The following LRP1B variants were observed in gnomAD, a reference collection of about 807,000 sequenced individuals.
LRP1B encodes the protein low-density lipoprotein receptor-related protein 1B.
In LRP1B, 217 loss-of-function variants were observed where a neutral mutation model predicts 556.6. The observed-to-expected ratio is 0.39, with a 90% CI of 0.35 to 0.44. The LOEUF (loss-of-function observed/expected upper bound fraction) is 0.44, where lower values mean the gene tolerates loss of function less well. LRP1B is among the 20% of genes least tolerant of loss of function. The pLI is 1.00. For synonymous variants in LRP1B, 2,047 were observed against 1,865.8 expected (o/e 1.10, Z -2.50); for missense variants, 5,053 against 5,620.8 (o/e 0.90, Z 3.23).
chr2:140,317,733 T>C (rs998235060), intron 82 of LRP1B, among the ~76,000 whole-genome samples: 10 of 152,108 alleles, frequency 6.6e-5, no homozygotes, highest in Admixed American at 2.0e-4. Context: ...TGATCATAGA[T>C]AGGATTATTA....
At chr2:140,967,366 T>C (rs541895600) in intron 18 of LRP1B, among the ~76,000 whole-genome samples, 1 of 151,294 alleles carries the variant, frequency 6.6e-6, no homozygotes, top group East Asian at 1.9e-4. Context: ...ATAAGAATGC[T>C]TGTGATTTTT....
chr2:141,032,826 C>CATACATACATACATATATATATATAT, intron 11 of LRP1B, among the ~76,000 whole-genome samples: 7 of 126,656 alleles, frequency 5.5e-5, no homozygotes, highest in Non-Finnish European at 1.2e-4. Flanking sequence ...TATATACATA[C>CATACATACATACATATATATATATAT]ATATATATAT....
chr2:140,627,380 CAG>C (rs1161248742), intron 41 of LRP1B, among the ~76,000 whole-genome samples: 2 of 152,140 alleles, frequency 1.3e-5, no homozygotes, highest in African/African-American at 4.8e-5. Context: ...ACTAGATTAG[CAG>C]AGTCTTTTGG....
chr2:141,499,800 G>A (rs1262298069), intron 2 of LRP1B, among the ~76,000 whole-genome samples: 1 of 152,058 alleles, frequency 6.6e-6, no homozygotes, highest in Non-Finnish European at 1.5e-5. Flanking sequence ...TATAGGATTT[G>A]TGTTAGTATT....
At chr2:140,890,304 G>A (rs1693761599) in intron 23 of LRP1B, among the ~76,000 whole-genome samples, 1 of 152,076 alleles carries the variant, frequency 6.6e-6, no homozygotes, top group Non-Finnish European at 1.5e-5. Context: ...ATTACTTTCA[G>A]AAAATCATTT....
intron 35 of LRP1B, among the ~76,000 whole-genome samples, chr2:140,748,942 A>T (rs563017381): frequency 6.8e-6 from 1 of 147,632 alleles, no homozygotes; most frequent in South Asian, 2.1e-4. Context: ...ACATTATAAA[A>T]TATACTTACA....
intron 2 of LRP1B, among the ~76,000 whole-genome samples, chr2:141,766,813 T>G (rs368518435): frequency 1.3e-5 from 2 of 152,270 alleles, no homozygotes; most frequent in East Asian, 3.9e-4. Context: ...TACAATTTCT[T>G]TTAACCATAT....
intron 1 of LRP1B, among the ~76,000 whole-genome samples, chr2:141,818,261 A>G (rs1696625116): frequency 6.6e-6 from 1 of 152,212 alleles, no homozygotes; most frequent in African/African-American, 2.4e-5. Flanking sequence ...AAATTTTGAT[A>G]AAACTCATGT....
Position 140,990,887 on chromosome 2 carries a change from T to C in LRP1B, c.2645-1230A>G, listed in dbSNP as rs1000280210. Among the ~76,000 whole-genome samples the C allele has an allele frequency of 3.9e-5, 6 of 152,276 alleles. No individual in the cohort carries two copies. The East Asian group carries it at 1.2e-3, about 29-fold the overall frequency. On this transcript the variant is annotated intron_variant, in intron 16 of 90. Transcript: ENST00000389484. ...AAACAAATGTTTATATTTGTTTTAC[T>C]GAGAATTTGAAAAATTGTTGTTTTA...
chr2:141,229,131 T>C (rs2105292954), intron 6 of LRP1B, 52 bp downstream of exon 6: 4 of 1,582,470 alleles, frequency 2.5e-6, no homozygotes, highest in Non-Finnish European at 3.5e-6. Context: ...CCTACGGGTC[T>C]GTAAATGAAA....
intron 6 of LRP1B, among the ~76,000 whole-genome samples, chr2:141,195,248 C>T (rs754497875): frequency 4.1e-4 from 63 of 152,084 alleles, no homozygotes; most frequent in Admixed American, 3.9e-4. Context: ...ATGTGGTCTA[C>T]ATTGCAAGGA....
intron 1 of LRP1B, among the ~76,000 whole-genome samples, chr2:141,913,298 T>C (rs1331879442): frequency 2.0e-5 from 3 of 152,162 alleles, no homozygotes; most frequent in Non-Finnish European, 4.4e-5. Flanking sequence ...CTGGTTGAAT[T>C]TTTGGAGAGA....
chr2:141,281,421 T>C (rs1449815123), intron 3 of LRP1B, among the ~76,000 whole-genome samples: 4 of 152,114 alleles, frequency 2.6e-5, no homozygotes, highest in Admixed American at 6.5e-5. Flanking sequence ...AAGAGAGACA[T>C]TGGTAAAAGT....
intron 47 of LRP1B, among the ~76,000 whole-genome samples, chr2:140,528,140 T>C (rs917240900): frequency 2.0e-5 from 3 of 151,794 alleles, no homozygotes; most frequent in Admixed American, 6.6e-5. Context: ...AGGAGGCAAA[T>C]GTAGGGAATG....
chr2:141,223,528 A>G (rs1683124395), intron 6 of LRP1B, among the ~76,000 whole-genome samples: 1 of 152,202 alleles, frequency 6.6e-6, no homozygotes, highest in African/African-American at 2.4e-5. Flanking sequence ...ATTAGAAAAA[A>G]CTATTTTAAA....
At chr2:140,789,581 C>T (rs916242239) in intron 32 of LRP1B, among the ~76,000 whole-genome samples, 1 of 149,814 alleles carries the variant, frequency 6.7e-6, no homozygotes, top group African/African-American at 2.5e-5. Flanking sequence ...CTAGCTATAC[C>T]AGCTGAGGCA....
chr2:142,098,837 G>A (rs1038951168), intron 1 of LRP1B, among the ~76,000 whole-genome samples: 4 of 151,740 alleles, frequency 2.6e-5, no homozygotes, highest in Non-Finnish European at 5.9e-5. Flanking sequence ...GGATAAATGA[G>A]AAATCAAAGC....
chr2:141,317,184 T>C (rs1687065583), intron 3 of LRP1B, among the ~76,000 whole-genome samples: 1 of 152,224 alleles, frequency 6.6e-6, no homozygotes, highest in Non-Finnish European at 1.5e-5. Flanking sequence ...CTAAGAATTA[T>C]TGCTATATTG....
chr2:140,650,162 T>G (rs1382470062), intron 41 of LRP1B, among the ~76,000 whole-genome samples: 1 of 151,852 alleles, frequency 6.6e-6, no homozygotes, highest in Non-Finnish European at 1.5e-5. Context: ...AAAGGTTTTT[T>G]AAAAAAATTT....
Sources: gnomAD v4.1 joint callset for allele counts (sites outside exome capture counted in the v4.1 genomes callset) on GRCh38, gnomAD v4.1.1 for gene constraint, MANE v1.5 for transcripts, NCBI Gene and HGNC (gene_info 2026-07-23, HGNC 2026-07-21) for gene names.